Variants in PLAAT2 observed in about 807,000 individuals in gnomAD.
PLAAT2 encodes HRAS like suppressor 2.
PLAAT2 carries 12 observed loss-of-function variants against 12.8 expected under a neutral mutation model. The observed-to-expected ratio is 0.94, with a 90% confidence interval of 0.60 to 1.52. The LOEUF is 1.52. Ranked by LOEUF, PLAAT2 falls within the 40% of genes most tolerant of loss-of-function variation. The pLI, the probability that PLAAT2 is intolerant of heterozygous loss-of-function variation, is 0.00. For missense variants in PLAAT2, 166 were observed against 208.1 expected, an observed-to-expected ratio of 0.80 and a Z score of 1.24; for synonymous variants, 79 against 86.8, an observed-to-expected ratio of 0.91 and a Z score of 0.50.
chr11:63,562,579 C>G (rs988549111), intron 1 of PLAAT2, among the ~76,000 whole-genome samples: 1 of 152,208 alleles, frequency 6.6e-6, no homozygotes, highest in African/African-American at 2.4e-5. Flanking sequence ...TTCGAATTCC[C>G]TCTCTGACTT....
At chr11:63,553,934 G>T (rs2017441836) in intron 3 of PLAAT2, among the ~76,000 whole-genome samples, 1 of 152,182 alleles carries the variant, frequency 6.6e-6, no homozygotes, top group African/African-American at 2.4e-5. Flanking sequence ...CATTGAGGGT[G>T]TGCTTTAATG....
At chr11:63,564,113 G>A (rs530756146), upstream of PLAAT2, among the ~76,000 whole-genome samples, 5 of 152,270 alleles carry the variant, frequency 3.3e-5, no homozygotes, top group Admixed American at 6.5e-5. Context: ...TAGAAAAATC[G>A]TATTATTGGA....
intron 3 of PLAAT2, among the ~76,000 whole-genome samples, chr11:63,555,266 A>G (rs956034608): frequency 6.6e-6 from 1 of 152,252 alleles, no homozygotes; most frequent in African/African-American, 2.4e-5. Context: ...TCAGCCCTCC[A>G]TATCCATGGA....
chr11:63,556,266 T>C (rs926262059), intron 3 of PLAAT2, among the ~76,000 whole-genome samples: 1 of 152,070 alleles, frequency 6.6e-6, no homozygotes, highest in Non-Finnish European at 1.5e-5. Flanking sequence ...CTGCAGGAGA[T>C]GAAGTTCAAC....
At chr11:63,563,583 G>A (rs1467532314), upstream of PLAAT2, among the ~76,000 whole-genome samples, 1 of 146,210 alleles carries the variant, frequency 6.8e-6, no homozygotes, top group African/African-American at 2.6e-5. Context: ...GCTGGGCATG[G>A]TGGTGGGCAC....
Position 63,558,642 on chromosome 11 carries a change from C to T in PLAAT2, c.137G>A (p.Gly46Asp), listed in dbSNP as rs1363257433. ...CAGGGCAGACAGGACACTGGCCGCA[C>T]CAGCTCCAGCAATTTCACCTGTGCA... ...LAPASEIAGAGAASVLSALTN... is the reference protein window; with the variant it reads ...LAPASEIAGADAASVLSALTN... The change falls in exon 3 of 4, where the codon GGT becomes GAT. Residue 46 changes from glycine to aspartate, a missense_variant. Physicochemically the swap from Gly to Asp is moderately conservative, Grantham distance 94. Transcript: ENST00000255695. 3.1e-6 allele frequency: 5 copies of T among 1,614,220 alleles called. No homozygotes were observed. The highest frequency in any genetic ancestry group is 4.2e-6 in the Non-Finnish European group (5 of 1,180,044).
At chr11:63,561,471 C>G (rs1478486673) in intron 1 of PLAAT2, among the ~76,000 whole-genome samples, 1 of 151,764 alleles carries the variant, frequency 6.6e-6, no homozygotes, top group African/African-American at 2.4e-5. Flanking sequence ...TGGTGAAACC[C>G]CCATCTCTAC....
chr11:63,553,075 A>G lies in PLAAT2; in HGVS notation c.388-10T>C, dbSNP rs1457836733. The G allele has an allele frequency of 6.3e-7, 1 of 1,592,700 alleles. No homozygotes were observed. Among genetic ancestry groups the G allele is most frequent in the South Asian group, 1.1e-5 (1 of 90,434 alleles). ...TGACTGCACCAGTGACCTGCAGCAG[A>G]AGAGAAGGGAGAGCACACTCAGCAT... On this transcript the variant is annotated splice_polypyrimidine_tract_variant and intron_variant, in intron 3 of 3. Coordinates refer to ENST00000255695, the MANE Select transcript of PLAAT2 (RefSeq NM_017878.2).
chr11:63,558,354 C>T (rs747479207), intron 3 of PLAAT2, 38 bp downstream of exon 3: 2 of 1,604,792 alleles, frequency 1.2e-6, no homozygotes, highest in East Asian at 4.5e-5. Flanking sequence ...GAGGGAGTGG[C>T]CTGGCTCCTG....
intron 1 of PLAAT2, among the ~76,000 whole-genome samples, 187 bp downstream of exon 1, chr11:63,563,129 T>G (rs1438917479): frequency 6.6e-6 from 1 of 152,154 alleles, no homozygotes; most frequent in African/African-American, 2.4e-5. Context: ...CTGGGGAGCC[T>G]CCAGGGTCAT....
chr11:63,563,166 A>G (rs2017533497), intron 1 of PLAAT2, 150 bp downstream of exon 1: 1 of 847,204 alleles, frequency 1.2e-6, no homozygotes, highest in Non-Finnish European at 1.9e-6. Flanking sequence ...TCCTTCCCAC[A>G]GTGTCTGAGA....
intron 3 of PLAAT2, among the ~76,000 whole-genome samples, chr11:63,554,649 AAAGAACTCACGC>A (rs2017450372): frequency 6.7e-6 from 1 of 149,416 alleles, no homozygotes; most frequent in African/African-American, 2.6e-5. Flanking sequence ...AAAAAAAAAA[AAAGAACTCACGC>A]AAAGCCACAC....
At chr11:63,561,600 G>A (rs776968643) in intron 1 of PLAAT2, among the ~76,000 whole-genome samples, 4 of 136,188 alleles carry the variant, frequency 2.9e-5, no homozygotes, top group Admixed American at 8.3e-5. Flanking sequence ...AGCAGAGATC[G>A]TGCCACTGCA....
chr11:63,553,106 C>A (rs374258631), intron 3 of PLAAT2, 41 bp from the exon 4 acceptor site: 1 of 1,309,622 alleles, frequency 7.6e-7, no homozygotes, highest in Non-Finnish European at 1.1e-6. Context: ...AGCATCAGGG[C>A]GGGACCACGA....
At chr11:63,557,151 ATCCTT>A (rs2017473437) in intron 3 of PLAAT2, among the ~76,000 whole-genome samples, 1 of 152,216 alleles carries the variant, frequency 6.6e-6, no homozygotes, top group Admixed American at 6.5e-5. Context: ...ACCAAAATCC[ATCCTT>A]TCCTTTACAA....
At chr11:63,557,098 G>T (rs1467917025) in intron 3 of PLAAT2, among the ~76,000 whole-genome samples, 1 of 152,164 alleles carries the variant, frequency 6.6e-6, no homozygotes, top group African/African-American at 2.4e-5. Context: ...GCAACTCCAA[G>T]ATTGTGAAGA....
chr11:63,563,107 C>T (rs146126372), intron 1 of PLAAT2, among the ~76,000 whole-genome samples: 35 of 152,322 alleles, frequency 2.3e-4, no homozygotes, highest in Middle Eastern at 3.4e-3. Flanking sequence ...AGACCCCATG[C>T]GGCAGCTGAG....
Position 63,553,069 on chromosome 11 carries a change from C to A in PLAAT2, c.388-4G>T. ...CTGTCGTGACTGCACCAGTGACCTGCAGCAGAAGAGAAGGGAGAGCACACT... is the reference window on the plus strand; with the variant it reads ...CTGTCGTGACTGCACCAGTGACCTGAAGCAGAAGAGAAGGGAGAGCACACT... On this transcript the variant is annotated splice_region_variant and splice_polypyrimidine_tract_variant and intron_variant, in intron 3 of 3. Transcript: ENST00000255695. 6.2e-7 allele frequency: 1 copy of A among 1,604,406 alleles called. No individual in the cohort carries two copies. Among genetic ancestry groups the A allele is most frequent in the Non-Finnish European group, 8.5e-7 (1 of 1,172,286 alleles).
At position 63,560,121 on chromosome 11, in the gene PLAAT2, C is replaced by G. The variant is rs773463032; in HGVS notation, c.82G>C (p.Val28Leu). The G allele has an allele frequency of 6.2e-7, 1 of 1,613,318 alleles. No individual in the cohort carries two copies. Among genetic ancestry groups the G allele is most frequent in the Non-Finnish European group, 8.5e-7 (1 of 1,179,410 alleles). ...RFGYAHWAIY[V>L]GDGYVVHLAP... Reference sequence around the variant, plus strand: ...AGATGGACCACATAGCCATCTCCCACGTAGATGGCCCAGTGTGCATAGCCA... The same window carrying G: ...AGATGGACCACATAGCCATCTCCCAGGTAGATGGCCCAGTGTGCATAGCCA... The change falls in exon 2 of 4, where the codon GTG becomes CTG. Residue 28 changes from valine (V) to leucine (L), a missense_variant. By Grantham distance (32) the Val-to-Leu change is conservative. Coordinates refer to ENST00000255695, the MANE Select transcript of PLAAT2 (RefSeq NM_017878.2).
Sources: gnomAD v4.1 joint callset for allele counts (sites outside exome capture counted in the v4.1 genomes callset) on GRCh38, gnomAD v4.1.1 for gene constraint, MANE v1.5 for transcripts, NCBI Gene and HGNC (gene_info 2026-07-23, HGNC 2026-07-21) for gene names.